The following GTF3C5 variants were observed in gnomAD, a reference collection of about 807,000 sequenced individuals.
The protein encoded by GTF3C5 is general transcription factor IIIC subunit 5, also known as general transcription factor 3C polypeptide 5.
Under a neutral mutation model 61.0 loss-of-function variants are expected in GTF3C5, and 47 were observed. That is an observed-to-expected ratio of 0.77 (90% confidence interval 0.61 to 0.98). The LOEUF is 0.98. Ranked by LOEUF, GTF3C5 falls within the 50% of genes least tolerant of loss-of-function variation. The pLI is 0.00. For missense variants in GTF3C5, 659 were observed against 703.3 expected, an observed-to-expected ratio of 0.94 and a Z score of 0.71; for synonymous variants, 295 against 275.4, an observed-to-expected ratio of 1.07 and a Z score of -0.71.
chr9:133,052,512 C>T (rs988378575), intron 5 of GTF3C5, among the ~76,000 whole-genome samples: 75 of 152,126 alleles, frequency 4.9e-4, no homozygotes, highest in African/African-American at 1.8e-3. Context: ...TGTTGGGCTG[C>T]AGAACCCAGC....
chr9:133,043,541 T>C (rs1366391386), intron 2 of GTF3C5, among the ~76,000 whole-genome samples, 187 bp from the exon 3 acceptor site: 2 of 152,208 alleles, frequency 1.3e-5, no homozygotes, highest in African/African-American at 4.8e-5. Context: ...TTCATGTAAG[T>C]GACTTAGACT....
intron 1 of GTF3C5, 119 bp downstream of exon 1, chr9:133,031,283 C>T (rs1161692996): frequency 1.0e-5 from 8 of 797,208 alleles, no homozygotes; most frequent in Middle Eastern, 3.7e-4. Flanking sequence ...AAGGGTGCTG[C>T]TCGCTCTTCT....
At chr9:133,042,618 C>T (rs1470119666) in intron 2 of GTF3C5, among the ~76,000 whole-genome samples, 1 of 152,248 alleles carries the variant, frequency 6.6e-6, no homozygotes, top group African/African-American at 2.4e-5. Flanking sequence ...CTTTCCCCCA[C>T]CACAGTGTTT....
intron 1 of GTF3C5, among the ~76,000 whole-genome samples, chr9:133,031,824 C>G (rs1283823507): frequency 1.3e-5 from 2 of 152,094 alleles, no homozygotes; most frequent in Non-Finnish European, 2.9e-5. Flanking sequence ...GGCAGGGGCA[C>G]AGGCCTGAGT....
At position 133,055,266 on chromosome 9, in the gene GTF3C5, C is replaced by T. The variant is rs1012561003; in HGVS notation, c.1167+457C>T. On this transcript the variant is annotated intron_variant, in intron 8 of 10. Coordinates refer to ENST00000372097, the MANE Select transcript of GTF3C5 (RefSeq NM_012087.4). ...GGGGTTGGCGGTTTCCAGAGCTGTT[C>T]CCACATTCAGGCTCCCGCAAGCCGC... 3.4e-6 allele frequency: 5 copies of T among 1,450,140 alleles called. No individual in the cohort carries two copies. The African/African-American group carries it at 4.2e-5, about 12-fold the overall frequency. 89.8% of individuals were successfully genotyped at this position (1,450,140 alleles called of 1,614,324 possible).
chr9:133,057,006 C>T, intron 10 of GTF3C5, 98 bp downstream of exon 10: 1 of 1,199,240 alleles, frequency 8.3e-7, no homozygotes, highest in Non-Finnish European at 1.1e-6. Context: ...AAATGGCACC[C>T]AGGTGGCATC....
At chr9:133,057,082 C>T (rs1293561204) in intron 10 of GTF3C5, among the ~76,000 whole-genome samples, 174 bp downstream of exon 10, 1 of 152,232 alleles carries the variant, frequency 6.6e-6, no homozygotes, top group Non-Finnish European at 1.5e-5. Flanking sequence ...GTGCTGGCAT[C>T]ACCCCAGCTG....
intron 1 of GTF3C5, among the ~76,000 whole-genome samples, chr9:133,034,025 G>T (rs1849800982): frequency 6.6e-6 from 1 of 152,024 alleles, no homozygotes; most frequent in African/African-American, 2.4e-5. Context: ...CCTTAGAGAG[G>T]GTTCCTATGG....
chr9:133,055,333 G>A (rs921291995), intron 8 of GTF3C5: 7 of 1,355,826 alleles, frequency 5.2e-6, no homozygotes, highest in Non-Finnish European at 6.8e-6. Flanking sequence ...CATCCCGCAC[G>A]GTGGAATCAC....
intron 3 of GTF3C5, among the ~76,000 whole-genome samples, chr9:133,049,961 T>C (rs1850321816): frequency 6.6e-6 from 1 of 152,180 alleles, no homozygotes; most frequent in African/African-American, 2.4e-5. Context: ...GTAGTTGACA[T>C]TGGGGTTCCC....
intron 10 of GTF3C5, 76 bp from the exon 11 acceptor site, chr9:133,057,738 C>T: frequency 7.1e-7 from 1 of 1,404,928 alleles, no homozygotes; most frequent in Non-Finnish European, 9.6e-7. Context: ...ACAGGCTCCC[C>T]AGAGCCTGGT....
chr9:133,049,307 A>G (rs1046163722), intron 3 of GTF3C5, among the ~76,000 whole-genome samples: 2 of 152,234 alleles, frequency 1.3e-5, no homozygotes, highest in African/African-American at 2.4e-5. Flanking sequence ...CCTGGGGAAC[A>G]TCTTTGAAAA....
chr9:133,036,207 T>C (rs578134248), intron 1 of GTF3C5, among the ~76,000 whole-genome samples: 43 of 152,330 alleles, frequency 2.8e-4, no homozygotes, highest in Admixed American at 2.7e-3. Flanking sequence ...GCTCAGGTCC[T>C]TTTAGATTTG....
chr9:133,039,791 G>A lies in GTF3C5; in HGVS notation c.154-2296G>A, dbSNP rs537625854. ...TTCTGTAAATACTTGTCAAATGCAC[G>A]ATTGAGTCTTCACAGCAATCTAGTG... On this transcript the variant is annotated intron_variant, in intron 1 of 10. Coordinates refer to ENST00000372097, the MANE Select transcript of GTF3C5 (RefSeq NM_012087.4). Among the ~76,000 whole-genome samples, 7 of 152,292 alleles carry A rather than the reference G, an allele frequency of 4.6e-5. No individual in the cohort carries two copies. In the East Asian group the frequency reaches 7.7e-4, roughly 17 times the overall value.
chr9:133,036,872 A>G (rs1278612284), intron 1 of GTF3C5, among the ~76,000 whole-genome samples: 1 of 152,142 alleles, frequency 6.6e-6, no homozygotes, highest in Admixed American at 6.5e-5. Flanking sequence ...TGTCCTAGGT[A>G]TTTAACTTCT....
chr9:133,053,551 C>T (rs953936899), intron 5 of GTF3C5, among the ~76,000 whole-genome samples: 4 of 152,210 alleles, frequency 2.6e-5, no homozygotes, highest in African/African-American at 9.7e-5. Context: ...TGCCACTGCA[C>T]TCAGCCTGGG....
At chr9:133,034,144 G>A (rs1456203709) in intron 1 of GTF3C5, among the ~76,000 whole-genome samples, 1 of 152,182 alleles carries the variant, frequency 6.6e-6, no homozygotes, top group Non-Finnish European at 1.5e-5. Flanking sequence ...TTACACCGCA[G>A]TGGCTTACAA....
At chr9:133,041,312 C>G (rs912534850) in intron 1 of GTF3C5, among the ~76,000 whole-genome samples, 1 of 152,208 alleles carries the variant, frequency 6.6e-6, no homozygotes, top group Non-Finnish European at 1.5e-5. Context: ...GGACTGTCTC[C>G]CTGTGATGCT....
chr9:133,046,811 A>G (rs1175025136), intron 3 of GTF3C5, among the ~76,000 whole-genome samples: 1 of 152,172 alleles, frequency 6.6e-6, no homozygotes, highest in Non-Finnish European at 1.5e-5. Flanking sequence ...AGAGCCAGCC[A>G]GGTGAAGATC....
Sources: gnomAD v4.1 joint callset for allele counts (sites outside exome capture counted in the v4.1 genomes callset) on GRCh38, gnomAD v4.1.1 for gene constraint, MANE v1.5 for transcripts, NCBI Gene and HGNC (gene_info 2026-07-23, HGNC 2026-07-21) for gene names.